Variants in DOT1L observed in about 807,000 individuals in gnomAD.
DOT1L encodes the protein DOT1 like histone lysine methyltransferase.
Under a neutral mutation model 153.3 loss-of-function variants are expected in DOT1L, and 33 were observed. The observed-to-expected ratio is 0.22, with a 90% CI of 0.16 to 0.29. The LOEUF is 0.29. Among genes scored for constraint, DOT1L ranks in the 10% least tolerant of loss-of-function variants. The pLI is 1.00. For missense variants in DOT1L, 1,847 were observed against 2,119.9 expected, an observed-to-expected ratio of 0.87 and a Z score of 2.53; for synonymous variants, 1,135 against 965.1, an observed-to-expected ratio of 1.18 and a Z score of -3.26.
At chr19:2,224,655 A>G (rs2024256747) in intron 25 of DOT1L, among the ~76,000 whole-genome samples, 1 of 151,366 alleles carries the variant, frequency 6.6e-6, no homozygotes, top group African/African-American at 2.4e-5. Context: ...TTTTATAGAG[A>G]TCGGGTTTTG....
Position 2,216,428 on chromosome 19 carries a change from C to T in DOT1L, c.2071C>T (p.His691Tyr), listed in dbSNP as rs2023902671. 1 of 1,612,458 alleles carries T rather than the reference C, an allele frequency of 6.2e-7. No homozygotes were observed. The highest frequency in any genetic ancestry group is 8.5e-7 in the Non-Finnish European group (1 of 1,179,920). The change falls in exon 20 of 28, where the codon CAC (histidine) becomes TAC (tyrosine). Residue 691 changes from histidine to tyrosine, a missense_variant. His to Tyr is a moderately conservative substitution (Grantham distance 83). Transcript: ENST00000398665. ...RELEPDASRL[H>Y]LELDCTKFSL... ...GCTGGAGCCTGACGCCAGCCGGCTG[C>T]ACCTGGAGCTGGACTGCACCAAGTT...
rs1484209760 is a variant in DOT1L at position 2,217,281 on chromosome 19, G to A, written c.2544+191G>A. On this transcript the variant is annotated intron_variant, in intron 21 of 27. Transcript: ENST00000398665. This position sits in a 1 kb window ranked among gnomAD's most constrained non-coding sequence, Gnocchi z 7.3. ...ACAGGTCACAGGTGACGTTGGGCAGGTGCCATGGAGGACATGGGGTTTGTC... is the reference window on the plus strand; with the variant it reads ...ACAGGTCACAGGTGACGTTGGGCAGATGCCATGGAGGACATGGGGTTTGTC... 1.3e-5 allele frequency among the ~76,000 whole-genome samples: 2 copies of A among 152,210 alleles called. No homozygotes were observed. Among genetic ancestry groups the A allele is most frequent in the East Asian group, 1.9e-4 (1 of 5,186 alleles).
In DOT1L at chr19:2,208,928, T is replaced by A. The variant is rs2023607571; in HGVS notation, c.964-7T>A. Reference sequence around the variant, plus strand: ...CTTCTAATCAGGGTTCTCTTTCTTCTTTTTAGCTTGAAAACTATTTTTCTA... The same window carrying A: ...CTTCTAATCAGGGTTCTCTTTCTTCATTTTAGCTTGAAAACTATTTTTCTA... On this transcript the variant is annotated splice_polypyrimidine_tract_variant and splice_region_variant and intron_variant, in intron 11 of 27. Coordinates refer to ENST00000398665, the MANE Select transcript of DOT1L (RefSeq NM_032482.3). The surrounding 1 kb of genome is among the most constrained non-coding windows in gnomAD (Gnocchi z 4.4). The A allele has an allele frequency of 8.1e-6, 13 of 1,612,562 alleles. No homozygotes were observed. The highest frequency in any genetic ancestry group is 1.3e-5 in the African/African-American group (1 of 74,792).
At chr19:2,221,915 C>T (rs2024131160) in intron 23 of DOT1L, 61 bp from the exon 24 acceptor site, 1 of 1,487,174 alleles carries the variant, frequency 6.7e-7, no homozygotes, top group Admixed American at 2.1e-5. Context: ...GGTGCTCCCA[C>T]AGCAAGGCTT....
chr19:2,227,472 G>A (rs1250894081), intron 27 of DOT1L: 1 of 558,212 alleles, frequency 1.8e-6, no homozygotes. Flanking sequence ...TGTTGGGTAA[G>A]AGCGAGTCCC....
At chr19:2,214,912 T>G (rs2023842002) in intron 19 of DOT1L, among the ~76,000 whole-genome samples, 1 of 152,030 alleles carries the variant, frequency 6.6e-6, no homozygotes, top group Non-Finnish European at 1.5e-5. Context: ...TAGGGGAGAA[T>G]TTGCTCATTA....
Position 2,217,385 on chromosome 19 carries a change from C to T in DOT1L, c.2544+295C>T, listed in dbSNP as rs962224816. On this transcript the variant is annotated intron_variant, in intron 21 of 27. Coordinates refer to ENST00000398665, the MANE Select transcript of DOT1L (RefSeq NM_032482.3). This position sits in a 1 kb window ranked among gnomAD's most constrained non-coding sequence, Gnocchi z 7.3. ...AGACACAGAGCCCAGTTTGGGAGGC[C>T]GCTGCCCATGAGGACTTCCCCGGGG... Among the ~76,000 whole-genome samples, 3 of 152,122 alleles carry T rather than the reference C, an allele frequency of 2.0e-5. No individual in the cohort carries two copies. The highest frequency in any genetic ancestry group is 1.9e-4 in the East Asian group (1 of 5,196).
intron 7 of DOT1L, among the ~76,000 whole-genome samples, chr19:2,199,263 G>A (rs1300472073): frequency 2.0e-5 from 3 of 152,244 alleles, no homozygotes; most frequent in African/African-American, 7.2e-5. Flanking sequence ...GGACAGCGCT[G>A]CTGTTAGCAG....
chr19:2,227,522 G>A (rs1194903229), intron 27 of DOT1L: 2 of 537,922 alleles, frequency 3.7e-6, no homozygotes, highest in Non-Finnish European at 6.5e-6. Context: ...GAGCCGCCGG[G>A]GGGAGCGGCC....
In DOT1L at chr19:2,209,037, C is replaced by G. The variant is rs1490530325; in HGVS notation, c.1005+61C>G. On this transcript the variant is annotated intron_variant, in intron 12 of 27. Coordinates refer to ENST00000398665, the MANE Select transcript of DOT1L (RefSeq NM_032482.3). ...ACGCATGCACTGATGTGGGGAAATG[C>G]AAAGCCGTGCGCAGCCGGGTTCAGG... 6 of 1,575,344 alleles carry G rather than the reference C, an allele frequency of 3.8e-6. No homozygotes were observed. In the African/African-American group the frequency reaches 8.2e-5, roughly 21 times the overall value.
rs2023680731 is a variant in DOT1L, at chr19:2,210,797, T to C, written c.1293T>C (p.Thr431=). 1 of 1,612,820 alleles carries C rather than the reference T, an allele frequency of 6.2e-7. No homozygotes were observed. Among genetic ancestry groups the C allele is most frequent in the Non-Finnish European group, 8.5e-7 (1 of 1,179,968 alleles). Residue 431 remains threonine, a synonymous_variant, in exon 14 of 28, where the codon ACT becomes ACC. Coordinates refer to ENST00000398665, the MANE Select transcript of DOT1L (RefSeq NM_032482.3). ...AGCGGAAGCCCAAGAAGAACCAAACTGCACTGGATGCCCTGCACGCTCAGA... is the reference window on the plus strand; with the variant it reads ...AGCGGAAGCCCAAGAAGAACCAAACCGCACTGGATGCCCTGCACGCTCAGA... ...NPERKPKKNQ[T]ALDALHAQTV... is the part of the protein sequence containing the mutation.
rs908711943 is a variant in DOT1L at position 2,230,849 on chromosome 19, C to T, written c.*1057C>T. On this transcript the variant is annotated 3_prime_UTR_variant, in exon 28 of 28. Transcript: ENST00000398665. ...CTCCCAGCAGCCCAGACAGAGCTGCCGGCGCCCCTGCCTGCCCCACATCCC... is the reference window on the plus strand; with the variant it reads ...CTCCCAGCAGCCCAGACAGAGCTGCTGGCGCCCCTGCCTGCCCCACATCCC... The T allele has an allele frequency of 4.0e-5, 14 of 352,466 alleles. No homozygotes were observed. The highest frequency in any genetic ancestry group is 6.6e-5 in the Non-Finnish European group (13 of 197,050). 21.8% of individuals were successfully genotyped at this position (352,466 alleles called of 1,614,324 possible). A position where few individuals can be genotyped will look rare whatever the true frequency, so the allele number is the denominator to read the frequency against.
chr19:2,214,214 T>A, intron 18 of DOT1L: 2 of 882,944 alleles, frequency 2.3e-6, no homozygotes, highest in South Asian at 3.6e-5. Context: ...GGAGCCACAC[T>A]CTGGCAGGCT....
intron 27 of DOT1L, chr19:2,227,727 C>G (rs767692584): frequency 7.6e-7 from 1 of 1,312,064 alleles, no homozygotes; most frequent in Non-Finnish European, 1.0e-6. Context: ...TTTTTCTCTC[C>G]TATTTGCAGG....
chr19:2,206,856 A>T, intron 10 of DOT1L, 59 bp downstream of exon 10: 1 of 1,525,660 alleles, frequency 6.6e-7, no homozygotes, highest in South Asian at 1.1e-5. Context: ...TCTGACACGC[A>T]GTATTCCTAG....
At position 2,217,960 on chromosome 19, in the gene DOT1L, G is replaced by A. The variant is rs780951847; in HGVS notation, c.2691+42G>A. 6.2e-7 allele frequency: 1 copy of A among 1,600,036 alleles called. No homozygotes were observed. Among genetic ancestry groups the A allele is most frequent in the Admixed American group, 1.7e-5 (1 of 59,348 alleles). On this transcript the variant is annotated intron_variant, in intron 22 of 27. Coordinates refer to ENST00000398665, the MANE Select transcript of DOT1L (RefSeq NM_032482.3). The surrounding 1 kb of genome is among the most constrained non-coding windows in gnomAD (Gnocchi z 7.3). ...TGGCTGTCCCCAAGGGCCACGTTGA[G>A]GCAAAACAGTCTGGGGTGCTCGAGA...
rs1188119483 is a variant in DOT1L at position 2,220,209 on chromosome 19, C to T, written c.2793C>T (p.Ala931=). ...NAHGAGSRSL[A]LAPAGFSYAG... is the part of the protein sequence containing the mutation. The stretch of plus-strand genomic sequence containing the variant: ...ACGGTGCTGGGAGCAGAAGCCTTGC[C>T]CTGGCCCCCGCAGGTAACGCCCCTC... The change falls in exon 23 of 28, where the codon GCC becomes GCT. Residue 931 remains alanine, a synonymous_variant. Coordinates refer to ENST00000398665, the MANE Select transcript of DOT1L (RefSeq NM_032482.3). This position sits in a 1 kb window ranked among gnomAD's most constrained non-coding sequence, Gnocchi z 4.5. 10 of 1,613,246 alleles carry T rather than the reference C, an allele frequency of 6.2e-6. No individual in the cohort carries two copies. Among genetic ancestry groups the T allele is most frequent in the Admixed American group, 3.3e-5 (2 of 59,998 alleles).
intron 1 of DOT1L, among the ~76,000 whole-genome samples, chr19:2,179,337 G>C (rs2022114136): frequency 6.7e-6 from 1 of 149,380 alleles, no homozygotes; most frequent in African/African-American, 2.4e-5. Context: ...TGCCCTGGGA[G>C]AGGCTCGCTG....
rs1479929566 is a variant in DOT1L at position 2,213,551 on chromosome 19, C to G, written c.1570C>G (p.Gln524Glu). Residue 524 changes from glutamine (Q) to glutamate (E), a missense_variant, in exon 17 of 28, where the codon CAG becomes GAG. Coordinates refer to ENST00000398665, the MANE Select transcript of DOT1L (RefSeq NM_032482.3). Reference sequence around the variant, plus strand: ...GTTTGTCCTACAGGAGAAGAACGCCCAGCTCCTGGGTGCGGCTCAGCAGCT... The same window carrying G: ...GTTTGTCCTACAGGAGAAGAACGCCGAGCTCCTGGGTGCGGCTCAGCAGCT... ...LLGQEKEKNA[Q>E]LLGAAQQLLS... 1 of 1,612,940 alleles carries G rather than the reference C, an allele frequency of 6.2e-7. No homozygotes were observed. The highest frequency in any genetic ancestry group is 8.5e-7 in the Non-Finnish European group (1 of 1,179,944).
Sources: allele counts gnomAD v4.1 joint callset (sites outside exome capture counted in the v4.1 genomes callset), GRCh38; gene constraint gnomAD v4.1.1; non-coding constraint Gnocchi (gnomAD v3.1); transcripts MANE v1.5; gene names NCBI Gene and HGNC (gene_info 2026-07-23, HGNC 2026-07-21).